GSK3B: variants seen among roughly 807,000 people sequenced by gnomAD.
GSK3B encodes the protein glycogen synthase kinase 3 beta, also known as glycogen synthase kinase-3 beta.
Under a neutral mutation model 56.4 loss-of-function variants are expected in GSK3B, and 15 were observed. The ratio of observed to expected loss-of-function variants is 0.27; its 90% CI spans 0.18 to 0.41. GSK3B has a LOEUF of 0.41. GSK3B is among the 10% of genes least tolerant of loss of function. GSK3B has a pLI of 1.00. For missense variants in GSK3B, 300 were observed against 513.4 expected (o/e 0.58, Z 4.02); for synonymous variants, 181 against 188.9 (o/e 0.96, Z 0.34).
At chr3:119,889,734 C>T (rs528048259) in intron 7 of GSK3B, among the ~76,000 whole-genome samples, 2 of 152,188 alleles carry the variant, frequency 1.3e-5, no homozygotes, top group East Asian at 3.9e-4. Flanking sequence ...AGTCTAAGTA[C>T]TTCAATTACA....
At position 119,822,744 on chromosome 3, in the gene GSK3B, G is replaced by T. The variant is rs999564666; in HGVS notation, c.*4044C>A. The stretch of plus-strand genomic sequence containing the variant: ...ACTTTTCCACACAGGGGAGAAAAGT[G>T]TTTGGCTCTGTGATTAGATGATCAC... On this transcript the variant is annotated 3_prime_UTR_variant, in exon 11 of 11. Coordinates refer to ENST00000264235, the MANE Select transcript of GSK3B (RefSeq NM_001146156.2). 1.9e-4 allele frequency: 43 copies of T among 228,268 alleles called. 1 individual carries two copies. Among genetic ancestry groups the T allele is most frequent in the Non-Finnish European group, 2.4e-4 (28 of 115,116 alleles). 14.1% of individuals were successfully genotyped at this position (228,268 alleles called of 1,614,324 possible).
chr3:120,066,867 C>T (rs767129057), intron 1 of GSK3B, among the ~76,000 whole-genome samples: 1 of 152,104 alleles, frequency 6.6e-6, no homozygotes, highest in African/African-American at 2.4e-5. Context: ...AGCAGTGGAT[C>T]GTATTTGGCC....
chr3:119,930,080 T>C (rs915904096), intron 3 of GSK3B, among the ~76,000 whole-genome samples: 28 of 133,592 alleles, frequency 2.1e-4, no homozygotes, highest in African/African-American at 4.1e-4. Flanking sequence ...TTCTGTCTCC[T>C]ACACACACAC....
intron 7 of GSK3B, among the ~76,000 whole-genome samples, chr3:119,891,039 G>A (rs182244415): frequency 6.6e-5 from 10 of 152,078 alleles, no homozygotes; most frequent in East Asian, 1.9e-4. Flanking sequence ...AGACTTGTAC[G>A]TAAATCAACA....
chr3:119,861,317 C>G (rs947562338), intron 9 of GSK3B, among the ~76,000 whole-genome samples: 19 of 152,156 alleles, frequency 1.2e-4, no homozygotes, highest in Non-Finnish European at 2.6e-4. Context: ...TTAAAACCAG[C>G]CTGGCCAACA....
intron 1 of GSK3B, 70 bp downstream of exon 1, chr3:120,093,277 C>T: frequency 2.0e-6 from 2 of 991,504 alleles, no homozygotes; most frequent in Non-Finnish European, 3.2e-6. Context: ...AATTTCAGAT[C>T]CTGGTATTTC....
intron 8 of GSK3B, among the ~76,000 whole-genome samples, chr3:119,868,961 G>T (rs2056216533): frequency 1.3e-5 from 2 of 152,064 alleles, no homozygotes; most frequent in African/African-American, 2.4e-5. Flanking sequence ...AACTAAGAAA[G>T]AAATCAAGTC....
chr3:119,866,761 C>G lies in GSK3B; in HGVS notation c.910-3156G>C, dbSNP rs2056189106. 4 of 610,994 alleles carry G rather than the reference C, an allele frequency of 6.5e-6. No homozygotes were observed. The Admixed American group carries it at 1.0e-4, about 16-fold the overall frequency. The allele number at this position is 610,994 out of a possible 1,614,324, so 37.8% of individuals were successfully genotyped here. On this transcript the variant is annotated intron_variant, in intron 8 of 10. Coordinates refer to ENST00000264235, the MANE Select transcript of GSK3B (RefSeq NM_001146156.2). Reference sequence around the variant, plus strand: ...GGGGGGGACATAGAAAATGTTTATACAGTTATAAACTTTAAACATCAGTCT... The same window carrying G: ...GGGGGGGACATAGAAAATGTTTATAGAGTTATAAACTTTAAACATCAGTCT...
chr3:119,971,857 C>G (rs138264352), intron 2 of GSK3B, among the ~76,000 whole-genome samples: 1 of 151,382 alleles, frequency 6.6e-6, no homozygotes, highest in Admixed American at 6.6e-5. Context: ...GTGATCCGCC[C>G]GCCTCGGCCT....
chr3:120,001,771 T>C (rs2057679417), intron 2 of GSK3B, among the ~76,000 whole-genome samples: 1 of 152,236 alleles, frequency 6.6e-6, no homozygotes, highest in African/African-American at 2.4e-5. Flanking sequence ...TTTTATAGTA[T>C]AAATTAAGAA....
chr3:119,925,292 C>T (rs2056879912), intron 3 of GSK3B, among the ~76,000 whole-genome samples: 1 of 152,196 alleles, frequency 6.6e-6, no homozygotes, highest in African/African-American at 2.4e-5. Context: ...TCATGCCATG[C>T]ACTCCAGTCT....
rs1251180094 is a variant in GSK3B, at chr3:120,066,571, G to A, written c.88+26776C>T. On this transcript the variant is annotated intron_variant, in intron 1 of 10. Coordinates refer to ENST00000264235, the MANE Select transcript of GSK3B (RefSeq NM_001146156.2). ...TCAAGACTTACCCTGCTTTTTCTTA[G>A]GATAATAATAAAATTGAGGTAAAGT... 2.6e-5 allele frequency among the ~76,000 whole-genome samples: 4 copies of A among 152,032 alleles called. No individual in the cohort carries two copies. The East Asian group carries it at 5.8e-4, about 22-fold the overall frequency.
intron 7 of GSK3B, among the ~76,000 whole-genome samples, chr3:119,902,411 A>G (rs1055522711): frequency 2.6e-5 from 4 of 151,974 alleles, no homozygotes; most frequent in African/African-American, 9.7e-5. Context: ...TTATTTATTT[A>G]TTTATTTGTG....
intron 1 of GSK3B, among the ~76,000 whole-genome samples, chr3:120,073,722 G>A (rs764964815): frequency 1.2e-4 from 19 of 152,166 alleles, no homozygotes; most frequent in Non-Finnish European, 1.9e-4. Flanking sequence ...TAAGAGAACA[G>A]GTTCGAAGTA....
At chr3:119,860,975 A>G (rs1051454140) in intron 9 of GSK3B, among the ~76,000 whole-genome samples, 3 of 152,130 alleles carry the variant, frequency 2.0e-5, no homozygotes, top group African/African-American at 7.2e-5. Flanking sequence ...CAGACCCACA[A>G]TGTTTCTATC....
intron 3 of GSK3B, 69 bp downstream of exon 3, chr3:119,947,199 G>A: frequency 1.1e-6 from 1 of 917,378 alleles, no homozygotes; most frequent in South Asian, 1.3e-5. Flanking sequence ...ATGAGCGGTG[G>A]GGAGATTAAT....
At chr3:119,933,549 T>C (rs2056966782) in intron 3 of GSK3B, among the ~76,000 whole-genome samples, 1 of 152,040 alleles carries the variant, frequency 6.6e-6, no homozygotes, top group South Asian at 2.1e-4. Context: ...TGCTTTAAAA[T>C]AAAACAAAAA....
At chr3:119,884,943 C>T (rs913861390) in intron 7 of GSK3B, among the ~76,000 whole-genome samples, 2 of 152,058 alleles carry the variant, frequency 1.3e-5, no homozygotes, top group African/African-American at 2.4e-5. Context: ...GACAAGGATG[C>T]CCACTCACCA....
intron 2 of GSK3B, among the ~76,000 whole-genome samples, chr3:119,948,081 T>C (rs2057117830): frequency 6.6e-6 from 1 of 152,194 alleles, no homozygotes; most frequent in South Asian, 2.1e-4. Context: ...GAGGTTATTA[T>C]AGTCCAACAA....
Sources: allele counts gnomAD v4.1 joint callset (sites outside exome capture counted in the v4.1 genomes callset), GRCh38; gene constraint gnomAD v4.1.1; transcripts MANE v1.5; gene names NCBI Gene and HGNC (gene_info 2026-07-23, HGNC 2026-07-21).